The following SLC22A8 variants were observed in gnomAD, a reference collection of about 807,000 sequenced individuals.
SLC22A8 encodes the protein organic anion transporter 3.
SLC22A8 carries 40 observed loss-of-function variants against 48.4 expected under a neutral mutation model. The ratio of observed to expected loss-of-function variants is 0.83; its 90% CI spans 0.64 to 1.08. SLC22A8 has a LOEUF of 1.08. Among genes scored for constraint, SLC22A8 ranks in the 50% least tolerant of loss-of-function variants. The pLI, the probability that SLC22A8 is intolerant of heterozygous loss-of-function variation, is 0.00. For missense variants in SLC22A8, 606 were observed against 699.0 expected, an observed-to-expected ratio of 0.87 and a Z score of 1.50; for synonymous variants, 268 against 286.3, an observed-to-expected ratio of 0.94 and a Z score of 0.65.
At chr11:63,000,676 T>C (rs1445842990) in intron 3 of SLC22A8, 44 bp downstream of exon 3, 1 of 1,371,742 alleles carries the variant, frequency 7.3e-7, no homozygotes, top group Non-Finnish European at 1.0e-6. Context: ...GGAAGGGTTG[T>C]CCCCATGGGT....
intron 7 of SLC22A8, 42 bp downstream of exon 7, chr11:62,995,660 TCA>T: frequency 1.4e-6 from 2 of 1,431,466 alleles, no homozygotes; most frequent in Non-Finnish European, 2.0e-6. Context: ...GCCTTGTCTA[TCA>T]CCCCTTCCTT....
intron 2 of SLC22A8, among the ~76,000 whole-genome samples, chr11:63,006,495 T>C (rs2135137002): frequency 6.6e-6 from 1 of 151,458 alleles, no homozygotes; most frequent in East Asian, 1.9e-4. Context: ...TGTTCTTACC[T>C]CCAATAGGGC....
At position 62,999,791 on chromosome 11, in the gene SLC22A8, G is replaced by T. The variant is rs139413909; in HGVS notation, c.489C>A (p.Ser163Arg). 6.2e-7 allele frequency: 1 copy of T among 1,603,888 alleles called. No individual in the cohort carries two copies. ...LTCSYLLLAASGSGAAFSPTF... is the reference protein window; with the variant it reads ...LTCSYLLLAARGSGAAFSPTF... The stretch of plus-strand genomic sequence containing the variant: ...TGGGGCTGAAGGCTGCACCGGAGCC[G>T]CTGGCTGCCAGCAGCAGGTAGCTGC... Residue 163 changes from serine (S) to arginine (R), a missense_variant, in exon 4 of 11, where the codon AGC (serine) becomes AGA (arginine). Transcript: ENST00000336232.
intron 2 of SLC22A8, among the ~76,000 whole-genome samples, chr11:63,002,118 C>T (rs1336080321): frequency 2.6e-5 from 4 of 152,078 alleles, no homozygotes; most frequent in Non-Finnish European, 5.9e-5. Context: ...CTATGTTGCC[C>T]AGGCTGGTCT....
At chr11:63,003,619 A>T (rs1000784879) in intron 2 of SLC22A8, among the ~76,000 whole-genome samples, 1 of 152,182 alleles carries the variant, frequency 6.6e-6, no homozygotes, top group Non-Finnish European at 1.5e-5. Flanking sequence ...ACCTAAATTC[A>T]TTCACCCCTT....
At position 62,999,786 on chromosome 11, in the gene SLC22A8, G is replaced by C; in HGVS notation, c.494C>G (p.Ser165Cys). Reference protein sequence around the residue: ...CSYLLLAASGSGAAFSPTFPI... With the variant: ...CSYLLLAASGCGAAFSPTFPI... ...GAAGGTGGGGCTGAAGGCTGCACCG[G>C]AGCCGCTGGCTGCCAGCAGCAGGTA... The change falls in exon 4 of 11, where the codon TCC becomes TGC. Residue 165 changes from serine (S) to cysteine (C), a missense_variant. Ser to Cys is a moderately radical substitution (Grantham distance 112). Coordinates refer to ENST00000336232, the MANE Select transcript of SLC22A8 (RefSeq NM_004254.4). 4 of 1,606,240 alleles carry C rather than the reference G, an allele frequency of 2.5e-6. No homozygotes were observed. The highest frequency in any genetic ancestry group is 3.4e-6 in the Non-Finnish European group (4 of 1,176,180).
chr11:62,998,833 CAG>C, intron 5 of SLC22A8, 86 bp downstream of exon 5: 1 of 1,228,210 alleles, frequency 8.1e-7, no homozygotes, highest in Non-Finnish European at 1.2e-6. Context: ...CCCGGGGACA[CAG>C]AGTTGGCCAG....
chr11:63,013,038 G>C (rs534024256), intron 2 of SLC22A8, among the ~76,000 whole-genome samples: 2 of 152,052 alleles, frequency 1.3e-5, no homozygotes, highest in Non-Finnish European at 2.9e-5. Context: ...GTGTGACCTC[G>C]AGCAAGCTAC....
Position 62,999,228 on chromosome 11 carries a change from C to T in SLC22A8, c.593-139G>A, listed in dbSNP as rs913159627. On this transcript the variant is annotated intron_variant, in intron 4 of 10. Coordinates refer to ENST00000336232, the MANE Select transcript of SLC22A8 (RefSeq NM_004254.4). ...CTGTTGATATCGCCCTCCGTTGGGT[C>T]TTCCTGCTGTTCTGATGCTGACCCT... 2.4e-5 allele frequency: 17 copies of T among 700,768 alleles called. No individual in the cohort carries two copies. In the East Asian group the frequency reaches 3.8e-4, roughly 15 times the overall value. 43.4% of individuals were successfully genotyped at this position (700,768 alleles called of 1,614,324 possible). A position where few individuals can be genotyped will look rare whatever the true frequency, so the allele number is the denominator to read the frequency against.
intron 2 of SLC22A8, among the ~76,000 whole-genome samples, chr11:63,009,003 G>A (rs545547887): frequency 2.6e-5 from 4 of 152,202 alleles, no homozygotes; most frequent in South Asian, 2.1e-4. Flanking sequence ...CTCCTCCTGC[G>A]CACATAATCA....
intron 3 of SLC22A8, 59 bp from the exon 4 acceptor site, chr11:62,999,901 G>T (rs1010103156): frequency 7.3e-7 from 1 of 1,373,084 alleles, no homozygotes; most frequent in African/African-American, 1.5e-5. Context: ...CAAGAGGAGT[G>T]ACTCTGCATG....
chr11:62,993,811 G>A lies in SLC22A8; in HGVS notation c.1284C>T (p.Cys428=), dbSNP rs1255903834. Residue 428 remains cysteine, a synonymous_variant, in exon 9 of 11, where the codon TGC becomes TGT. Coordinates refer to ENST00000336232, the MANE Select transcript of SLC22A8 (RefSeq NM_004254.4). The stretch of plus-strand genomic sequence containing the variant: ...ATAATTCACTTGTGTAGAGGAAGAG[G>A]CAGCTGAAGGAGCTGGATAGGCATC... ...GKGCLSSSFS[C]LFLYTSELYP... 6.2e-7 allele frequency: 1 copy of A among 1,613,926 alleles called. No individual in the cohort carries two copies. Among genetic ancestry groups the A allele is most frequent in the Non-Finnish European group, 8.5e-7 (1 of 1,179,794 alleles).
chr11:63,005,651 A>G (rs2086545647), intron 2 of SLC22A8, among the ~76,000 whole-genome samples: 1 of 152,330 alleles, frequency 6.6e-6, no homozygotes, highest in East Asian at 1.9e-4. Flanking sequence ...GACAAGAGAG[A>G]GACACATGGG....
intron 2 of SLC22A8, among the ~76,000 whole-genome samples, chr11:63,007,428 C>T (rs941853778): frequency 6.6e-6 from 1 of 152,098 alleles, no homozygotes; most frequent in African/African-American, 2.4e-5. Context: ...CAGGTTCATG[C>T]GATTCTCCTG....
At chr11:63,001,816 G>C (rs2086498446) in intron 2 of SLC22A8, among the ~76,000 whole-genome samples, 1 of 152,130 alleles carries the variant, frequency 6.6e-6, no homozygotes, top group Admixed American at 6.5e-5. Flanking sequence ...AACTCTGCCT[G>C]GATAGAGTCA....
chr11:63,013,038 G>A (rs534024256), intron 2 of SLC22A8, among the ~76,000 whole-genome samples: 4 of 152,168 alleles, frequency 2.6e-5, no homozygotes, highest in South Asian at 4.1e-4. Context: ...GTGTGACCTC[G>A]AGCAAGCTAC....
intron 5 of SLC22A8, 109 bp downstream of exon 5, chr11:62,998,812 G>C: frequency 1.1e-6 from 1 of 919,518 alleles, no homozygotes; most frequent in Non-Finnish European, 1.7e-6. Context: ...CCCTGACTCT[G>C]GGACTGGGTG....
chr11:63,005,396 G>C (rs545313347), intron 2 of SLC22A8, among the ~76,000 whole-genome samples: 72 of 152,332 alleles, frequency 4.7e-4, no homozygotes, highest in African/African-American at 1.7e-3. Flanking sequence ...TAAGTGGCTT[G>C]CCCAAGCATG....
At chr11:62,998,788 C>A in intron 5 of SLC22A8, 133 bp downstream of exon 5, 1 of 706,042 alleles carries the variant, frequency 1.4e-6, no homozygotes, top group East Asian at 2.6e-5. Context: ...GTTCCTCCTC[C>A]CTGGAGTGCC....
Sources: gnomAD v4.1 joint callset for allele counts (sites outside exome capture counted in the v4.1 genomes callset) on GRCh38, gnomAD v4.1.1 for gene constraint, MANE v1.5 for transcripts, NCBI Gene and HGNC (gene_info 2026-07-23, HGNC 2026-07-21) for gene names.